SIRT2: variants seen among roughly 807,000 people sequenced by gnomAD.
SIRT2 encodes the protein NAD-dependent protein deacetylase sirtuin-2.
A neutral mutation model predicts 57.4 loss-of-function variants in SIRT2; 40 were observed. The observed-to-expected ratio is 0.70, with a 90% CI of 0.54 to 0.91. The LOEUF is 0.91. Ranked by LOEUF, SIRT2 falls within the 40% of genes least tolerant of loss-of-function variation. The pLI is 0.00. For missense variants in SIRT2, 439 were observed against 510.4 expected (o/e 0.86, Z 1.35); for synonymous variants, 161 against 195.7 (o/e 0.82, Z 1.48).
At chr19:38,891,148 T>A (rs1973520543) in intron 4 of SIRT2, among the ~76,000 whole-genome samples, 1 of 152,262 alleles carries the variant, frequency 6.6e-6, no homozygotes, top group Non-Finnish European at 1.5e-5. Flanking sequence ...TCAGATCACT[T>A]CCATAATGAT....
intron 8 of SIRT2, among the ~76,000 whole-genome samples, chr19:38,887,088 C>T (rs2144682826): frequency 6.6e-6 from 1 of 152,270 alleles, no homozygotes; most frequent in African/African-American, 2.4e-5. Flanking sequence ...CAGGCATGTG[C>T]CACCACGCCT....
rs1052230760 is a variant in SIRT2, at chr19:38,880,202, C to T, written c.876+483G>A. ...TAGAATAGGGGTGATCACAAAACCGCGATGGGGTTGTGGCGCCAGTGAGTT... is the reference window on the plus strand; with the variant it reads ...TAGAATAGGGGTGATCACAAAACCGTGATGGGGTTGTGGCGCCAGTGAGTT... On this transcript the variant is annotated intron_variant, in intron 13 of 15. Transcript: ENST00000249396. The surrounding 1 kb of genome is among the most constrained non-coding windows in gnomAD (Gnocchi z 4.1). The T allele has an allele frequency of 1.7e-5, 3 of 178,624 alleles. No individual in the cohort carries two copies. Among genetic ancestry groups the T allele is most frequent in the African/African-American group, 7.1e-5 (3 of 42,246 alleles). 11.1% of individuals were successfully genotyped at this position (178,624 alleles called of 1,614,324 possible). A position where few individuals can be genotyped will look rare whatever the true frequency, so the allele number is the denominator to read the frequency against.
Position 38,899,490 on chromosome 19 carries a change from C to T in SIRT2, c.16+16G>A. ...CCCGGCGCGGCCCGACCCTCCTACC[C>T]GGATCCCCGACTCACGGTCTGGCTC... On this transcript the variant is annotated intron_variant, in intron 1 of 15. Transcript: ENST00000249396. 8 of 1,613,194 alleles carry T rather than the reference C, an allele frequency of 5.0e-6. No homozygotes were observed. The highest frequency in any genetic ancestry group is 1.1e-5 in the South Asian group (1 of 91,076).
intron 2 of SIRT2, 197 bp from the exon 3 acceptor site, chr19:38,894,064 T>C (rs955370100): frequency 8.7e-6 from 10 of 1,146,260 alleles, no homozygotes; most frequent in Non-Finnish European, 9.7e-6. Context: ...GCCATGCCCG[T>C]CCCCAGGAGC....
chr19:38,889,798 A>T, intron 6 of SIRT2, 53 bp from the exon 7 acceptor site: 1 of 1,613,306 alleles, frequency 6.2e-7, no homozygotes, highest in South Asian at 1.1e-5. Context: ...TGAGGGTTGG[A>T]GCCAGGTGAC....
chr19:38,883,584 G>A, intron 9 of SIRT2, 43 bp downstream of exon 9: 1 of 1,600,764 alleles, frequency 6.2e-7, no homozygotes, highest in Non-Finnish European at 8.5e-7. Context: ...ACTGCTCCTG[G>A]TGCTGAGAGG....
chr19:38,879,499 C>A lies in SIRT2; in HGVS notation c.949G>T (p.Asp317Tyr). The change falls in exon 15 of 16, where the codon GAC (aspartate) becomes TAC (tyrosine). Residue 317 changes from aspartate (D) to tyrosine (Y), a missense_variant and splice_region_variant. Transcript: ENST00000249396. Reference protein sequence around the residue: ...MDFDSKKAYRDVAWLGECDQG... With the variant: ...MDFDSKKAYRYVAWLGECDQG... The stretch of plus-strand genomic sequence containing the variant: ...TCGCATTCACCCAGCCAGGCCACGT[C>A]CCTGCGGTGCAGCAGGAGATCAGAG... The A allele has an allele frequency of 6.2e-7, 1 of 1,603,412 alleles. No homozygotes were observed. Among genetic ancestry groups the A allele is most frequent in the Admixed American group, 1.7e-5 (1 of 58,514 alleles).
At position 38,879,169 on chromosome 19, in the gene SIRT2, C is replaced by T; in HGVS notation, c.1156G>A (p.Glu386Lys). The T allele has an allele frequency of 1.9e-6, 3 of 1,574,674 alleles. No individual in the cohort carries two copies. Among genetic ancestry groups the T allele is most frequent in the East Asian group, 2.3e-5 (1 of 44,444 alleles). The change falls in exon 16 of 16, where the codon GAG becomes AAG. Residue 386 changes from glutamate (E) to lysine (K), a missense_variant. Coordinates refer to ENST00000249396, the MANE Select transcript of SIRT2 (RefSeq NM_012237.4). ...AGATGCAGCTGTCACTGGGGTTTCT[C>T]CCTCTCTGTTGTCCTGGCCTCGTCC... is the stretch of plus-strand genomic sequence containing the variant. Reference protein sequence around the residue: ...AKDEARTTEREKPQ With the variant: ...AKDEARTTERKKPQ
intron 9 of SIRT2, 32 bp from the exon 10 acceptor site, chr19:38,881,523 C>T (rs1384945176): frequency 9.4e-6 from 15 of 1,597,200 alleles, no homozygotes; most frequent in Non-Finnish European, 1.3e-5. Context: ...AAAGAGAAGG[C>T]AGTAAGAGGA....
chr19:38,880,574 G>C lies in SIRT2; in HGVS notation c.876+111C>G. The C allele has an allele frequency of 1.4e-6, 1 of 737,320 alleles. No homozygotes were observed. Among genetic ancestry groups the C allele is most frequent in the Non-Finnish European group, 2.3e-6 (1 of 437,984 alleles). The allele number at this position is 737,320 out of a possible 1,614,324, so 45.7% of individuals were successfully genotyped here. A position where few individuals can be genotyped will look rare whatever the true frequency, so the allele number is the denominator to read the frequency against. On this transcript the variant is annotated intron_variant, in intron 13 of 15. Coordinates refer to ENST00000249396, the MANE Select transcript of SIRT2 (RefSeq NM_012237.4). This position sits in a 1 kb window ranked among gnomAD's most constrained non-coding sequence, Gnocchi z 4.1. ...TCTGGATTCTAGAGCCCCAGGTTCT[G>C]AGCTGAGGAATGCAAAGTGCTGGGG...
At chr19:38,894,083 A>G in intron 2 of SIRT2, 1 of 904,174 alleles carries the variant, frequency 1.1e-6, no homozygotes, top group Non-Finnish European at 1.6e-6. Flanking sequence ...GCAAGACCTC[A>G]TGTGAGTGGC....
chr19:38,890,293 C>A, intron 4 of SIRT2, 149 bp from the exon 5 acceptor site: 1 of 725,750 alleles, frequency 1.4e-6, no homozygotes. Flanking sequence ...ATCATCTAGA[C>A]GGGGATGGTG....
chr19:38,890,125 C>A lies in SIRT2; in HGVS notation c.246G>T (p.Leu82Phe). ...TACATGTGGAGATTCCAGCTCCCAC[C>A]AAACAGATGACTCTGCGACCTGGAG... is the stretch of plus-strand genomic sequence containing the variant. ...QSERCRRVIC[L>F]VGAGISTSAG... Residue 82 changes from leucine to phenylalanine, a missense_variant, in exon 5 of 16, where the codon TTG becomes TTT. Coordinates refer to ENST00000249396, the MANE Select transcript of SIRT2 (RefSeq NM_012237.4). The A allele has an allele frequency of 1.2e-6, 2 of 1,614,178 alleles. No individual in the cohort carries two copies. The highest frequency in any genetic ancestry group is 1.7e-6 in the Non-Finnish European group (2 of 1,180,022).
In SIRT2 at chr19:38,878,766, T is replaced by G. The variant is rs1600100994; in HGVS notation, c.*389A>C. 5.8e-6 allele frequency: 1 copy of G among 173,844 alleles called. No individual in the cohort carries two copies. The highest frequency in any genetic ancestry group is 1.2e-5 in the Non-Finnish European group (1 of 82,874). 10.8% of individuals were successfully genotyped at this position (173,844 alleles called of 1,614,324 possible). On this transcript the variant is annotated 3_prime_UTR_variant, in exon 16 of 16. Transcript: ENST00000249396. ...CACACCCACACTGGGGTAGGTTAGGTATGGTTTACTTAGCCACAGGCCCCC... is the reference window on the plus strand; with the variant it reads ...CACACCCACACTGGGGTAGGTTAGGGATGGTTTACTTAGCCACAGGCCCCC...
Position 38,894,102 on chromosome 19 carries a change from G to T in SIRT2, c.64-235C>A, listed in dbSNP as rs113848593. The T allele has an allele frequency of 7.9e-3, 6,000 of 762,714 alleles. 38 individuals carry two copies. Among genetic ancestry groups the T allele is most frequent in the African/African-American group, 0.02 (1,073 of 54,718 alleles). 47.2% of individuals were successfully genotyped at this position (762,714 alleles called of 1,614,324 possible). On this transcript the variant is annotated intron_variant, in intron 2 of 15. Coordinates refer to ENST00000249396, the MANE Select transcript of SIRT2 (RefSeq NM_012237.4). Reference sequence around the variant, plus strand: ...GACCTCATGTGAGTGGCTTTGCTTTGCTTTTCTTTTTTGAGACAGTGTCTC... The same window carrying T: ...GACCTCATGTGAGTGGCTTTGCTTTTCTTTTCTTTTTTGAGACAGTGTCTC...
intron 8 of SIRT2, 139 bp downstream of exon 8, chr19:38,888,948 A>C: frequency 2.8e-6 from 2 of 702,964 alleles, no homozygotes; most frequent in Admixed American, 4.3e-5. Context: ...TGCAGCAAGG[A>C]GGCAGTAGGC....
intron 8 of SIRT2, among the ~76,000 whole-genome samples, chr19:38,888,837 TGCAGACCTGAGAGG>T (rs1012189080): frequency 5.3e-5 from 8 of 152,176 alleles, no homozygotes; most frequent in South Asian, 2.1e-4. Context: ...GCCACCGCAC[TGCAGACCTGAGAGG>T]GCAGACCTGA....
chr19:38,881,608 G>T (rs1206537298), intron 9 of SIRT2, 117 bp from the exon 10 acceptor site: 3 of 762,944 alleles, frequency 3.9e-6, no homozygotes, highest in Non-Finnish European at 6.9e-6. Flanking sequence ...CCATCACTTG[G>T]AGTGTGATGG....
rs148544122 is a variant in SIRT2, at chr19:38,888,737, A to C, written c.501+350T>G. On this transcript the variant is annotated intron_variant, in intron 8 of 15. Transcript: ENST00000249396. ...TGGAAACTCGCTCATAACCAATGTG[A>C]AATCTGGGGTGCCTATAGTGCACAC... Among the ~76,000 whole-genome samples the C allele has an allele frequency of 1.1e-4, 17 of 152,366 alleles. No individual in the cohort carries two copies. In the East Asian group the frequency reaches 2.9e-3, roughly 26 times the overall value.
Sources: gnomAD v4.1 joint callset for allele counts (sites outside exome capture counted in the v4.1 genomes callset) on GRCh38, gnomAD v4.1.1 for gene constraint, Gnocchi (gnomAD v3.1) non-coding constraint, MANE v1.5 for transcripts, NCBI Gene and HGNC (gene_info 2026-07-23, HGNC 2026-07-21) for gene names.